The following LYRM7 variants were observed in gnomAD, a reference collection of about 807,000 sequenced individuals.
LYRM7 encodes complex III assembly factor LYRM7.
In LYRM7, 9 loss-of-function variants were observed where a neutral mutation model predicts 15.8. That is an observed-to-expected ratio of 0.57 (90% CI 0.34 to 0.99). The LOEUF (loss-of-function observed/expected upper bound fraction) is 0.99. Ranked by LOEUF, LYRM7 falls within the 50% of genes least tolerant of loss-of-function variation. LYRM7 has a pLI of 0.02. For synonymous variants in LYRM7, 39 were observed against 39.4 expected, an observed-to-expected ratio of 0.99 and a Z score of 0.04; for missense variants, 115 against 119.1, an observed-to-expected ratio of 0.97 and a Z score of 0.16.
chr5:131,184,641 G>GGC (rs991634906), intron 3 of LYRM7, among the ~76,000 whole-genome samples: 16 of 89,582 alleles, frequency 1.8e-4, no homozygotes, highest in East Asian at 5.5e-4. Flanking sequence ...TTTTTTTGGC[G>GGC]GGGGGGGGGT....
At chr5:131,181,476 T>TA (rs561965980) in intron 2 of LYRM7, among the ~76,000 whole-genome samples, 146 of 128,412 alleles carry the variant, frequency 1.1e-3, no homozygotes, top group South Asian at 3.0e-3. Context: ...TATATATATA[T>TA]AACATATATA....
intron 4 of LYRM7, among the ~76,000 whole-genome samples, chr5:131,187,496 GT>G (rs1178670500): frequency 7.0e-6 from 1 of 143,246 alleles, no homozygotes; most frequent in Non-Finnish European, 1.5e-5. Context: ...TTTTTTTTGG[GT>G]TTTTTGAGAT....
Position 131,180,382 on chromosome 5 carries a change from C to CA in LYRM7, c.91+224dup, listed in dbSNP as rs60823900. Among the ~76,000 whole-genome samples, 4,591 of 149,388 alleles carry CA rather than the reference C, an allele frequency of 0.031. 249 individuals are homozygous for CA. The highest frequency in any genetic ancestry group is 0.11 in the African/African-American group (4,324 of 40,818). ...GATCAAGTCTTCATAAAGAGTTGGT[C>CA]AAAAAAAAAGGCGAGGGACCAGAAT... is the stretch of plus-strand genomic sequence containing the variant. On this transcript the variant is annotated intron_variant, in intron 2 of 4. Coordinates refer to ENST00000379380, the MANE Select transcript of LYRM7 (RefSeq NM_181705.4).
rs199961886 is a variant in LYRM7 at position 131,183,120 on chromosome 5, G to GT, written c.162+824dup. Among the ~76,000 whole-genome samples, 524 of 129,528 alleles carry GT rather than the reference G, an allele frequency of 4.0e-3. 1 individual carries two copies. The highest frequency in any genetic ancestry group is 0.015 in the African/African-American group (347 of 22,868). The allele number at this position is 129,528 out of a possible 152,430, so 85.0% of individuals were successfully genotyped here. A position where few individuals can be genotyped will look rare whatever the true frequency, so the allele number is the denominator to read the frequency against. On this transcript the variant is annotated intron_variant, in intron 3 of 4. Transcript: ENST00000379380. The stretch of plus-strand genomic sequence containing the variant: ...TTCTATGTTCATAGAATTTCCAGAT[G>GT]TTTAAAAAAAACTGATAAAAAATGC...
chr5:131,173,597 A>G (rs1205234663), intron 1 of LYRM7, among the ~76,000 whole-genome samples: 1 of 152,172 alleles, frequency 6.6e-6, no homozygotes, highest in Non-Finnish European at 1.5e-5. Flanking sequence ...TACAAAAATT[A>G]GCTAGGCTTG....
chr5:131,198,334 C>A (rs1041821778), intron 4 of LYRM7, among the ~76,000 whole-genome samples: 5 of 152,144 alleles, frequency 3.3e-5, no homozygotes, highest in Non-Finnish European at 7.4e-5. Context: ...CCCTGTGGAC[C>A]AGTATCCTAT....
At chr5:131,177,208 A>G (rs1442635728) in intron 1 of LYRM7, among the ~76,000 whole-genome samples, 1 of 152,182 alleles carries the variant, frequency 6.6e-6, no homozygotes, top group African/African-American at 2.4e-5. Flanking sequence ...TTTTCCTTGC[A>G]ATAACTTTCC....
At position 131,179,600 on chromosome 5, in the gene LYRM7, C is replaced by T. The variant is rs1236090638; in HGVS notation, c.19-495C>T. Among the ~76,000 whole-genome samples, 5 of 151,304 alleles carry T rather than the reference C, an allele frequency of 3.3e-5. No individual in the cohort carries two copies. The South Asian group carries it at 6.2e-4, about 19-fold the overall frequency. ...CCTCCCACTTCAGCCGCCCAAGTAG[C>T]TAGGACCACAGGTGCACACCACCAT... On this transcript the variant is annotated intron_variant, in intron 1 of 4. Transcript: ENST00000379380.
chr5:131,188,063 C>T (rs1003333459), intron 4 of LYRM7, among the ~76,000 whole-genome samples: 1 of 151,802 alleles, frequency 6.6e-6, no homozygotes, highest in African/African-American at 2.4e-5. Context: ...TCAAGACCAG[C>T]CTGGGCAACA....
chr5:131,171,272 T>G (rs1662607389), intron 1 of LYRM7, among the ~76,000 whole-genome samples: 1 of 152,094 alleles, frequency 6.6e-6, no homozygotes, highest in Non-Finnish European at 1.5e-5. Flanking sequence ...ACTAACTTGG[T>G]ACTCAGTGTT....
intron 4 of LYRM7, among the ~76,000 whole-genome samples, chr5:131,198,421 C>T (rs764597303): frequency 1.1e-4 from 16 of 152,106 alleles, no homozygotes; most frequent in Non-Finnish European, 5.9e-5. Flanking sequence ...AGTCTTTCTT[C>T]GTCTTTCATG....
intron 4 of LYRM7, among the ~76,000 whole-genome samples, chr5:131,192,563 T>C (rs1484504580): frequency 6.6e-6 from 1 of 152,182 alleles, no homozygotes; most frequent in Non-Finnish European, 1.5e-5. Context: ...CAATTAAAAA[T>C]AATAAAAGGA....
At position 131,187,081 on chromosome 5, in the gene LYRM7, A is replaced by G. The variant is rs973255187; in HGVS notation, c.216A>G (p.Gln72=). 6.4e-7 allele frequency: 1 copy of G among 1,559,776 alleles called. No individual in the cohort carries two copies. Among genetic ancestry groups the G allele is most frequent in the Non-Finnish European group, 8.7e-7 (1 of 1,144,250 alleles). The stretch of plus-strand genomic sequence containing the variant: ...TATTACTCAGAACATCTGTTATACA[A>G]GGTATTCACACAGACCACAATACAC... ...VELLLRTSVI[Q]GIHTDHNTLK... Residue 72 remains glutamine (Q), a synonymous_variant, in exon 4 of 5, where the codon CAA becomes CAG. Transcript: ENST00000379380.
At chr5:131,179,510 C>G (rs1376628419) in intron 1 of LYRM7, among the ~76,000 whole-genome samples, 3 of 143,408 alleles carry the variant, frequency 2.1e-5, no homozygotes, top group Non-Finnish European at 4.5e-5. Context: ...GCTCTGTCAC[C>G]CAGGCTGGAG....
chr5:131,179,474 T>TTTTTTTTTTTTTTTTTTTTTTTCA (rs1755656398), intron 1 of LYRM7, among the ~76,000 whole-genome samples: 2 of 23,492 alleles, frequency 8.5e-5, no homozygotes, highest in African/African-American at 1.4e-4. Context: ...TTTTTTTTTC[T>TTTTTTTTTTTTTTTTTTTTTTTCA]TTTTTTTTTT....
intron 2 of LYRM7, among the ~76,000 whole-genome samples, chr5:131,181,472 T>C (rs1755712148): frequency 7.7e-6 from 1 of 129,282 alleles, no homozygotes; most frequent in Non-Finnish European, 1.6e-5. Flanking sequence ...TATGTATATA[T>C]ATATAACATA....
chr5:131,171,008 G>T lies in LYRM7; in HGVS notation c.-13G>T. 1.9e-6 allele frequency: 3 copies of T among 1,547,102 alleles called. No homozygotes were observed. Among genetic ancestry groups the T allele is most frequent in the Non-Finnish European group, 2.6e-6 (3 of 1,152,954 alleles). On this transcript the variant is annotated 5_prime_UTR_variant, in exon 1 of 5. Coordinates refer to ENST00000379380, the MANE Select transcript of LYRM7 (RefSeq NM_181705.4). ...CGACTGCTCTGGAGGTAGCGGCCGC[G>T]GTGAGGAGAGCCATGGGACGGGCAG...
At chr5:131,193,170 G>A (rs1272786396) in intron 4 of LYRM7, among the ~76,000 whole-genome samples, 1 of 152,124 alleles carries the variant, frequency 6.6e-6, no homozygotes, top group African/African-American at 2.4e-5. Context: ...CTGCCTTTTG[G>A]TTTATTTAGA....
chr5:131,184,638 G>T, intron 3 of LYRM7, among the ~76,000 whole-genome samples: 1 of 122,768 alleles, frequency 8.1e-6, no homozygotes, highest in Admixed American at 7.1e-5. Context: ...AATTTTTTTT[G>T]GCGGGGGGGG....
Sources: gnomAD v4.1 joint callset for allele counts (sites outside exome capture counted in the v4.1 genomes callset) on GRCh38, gnomAD v4.1.1 for gene constraint, MANE v1.5 for transcripts, NCBI Gene and HGNC (gene_info 2026-07-23, HGNC 2026-07-21) for gene names.